LINC00632: variants seen among roughly 807,000 people sequenced by gnomAD.
The protein encoded by LINC00632 is ALDOA related specific transcript.
intron 2 of LINC00632, among the ~76,000 whole-genome samples, chrX:140,719,103 C>T (rs780728733): frequency 2.7e-5 from 3 of 112,200 alleles, no homozygotes; most frequent in African/African-American, 6.5e-5. Flanking sequence ...AATACTGGTC[C>T]AGCAAAATAC....
intron 3 of LINC00632, chrX:140,764,721 T>A (rs1931656880): frequency 8.9e-6 from 1 of 111,842 alleles, no homozygotes; most frequent in South Asian, 3.8e-4. Flanking sequence ...CTTCCCGTAT[T>A]CCGCTTTAAC....
intron 3 of LINC00632, among the ~76,000 whole-genome samples, chrX:140,769,073 C>G (rs915851427): frequency 9.1e-6 from 1 of 110,274 alleles, no homozygotes. Context: ...TTCCAGAGAA[C>G]CTTTCTTGGG....
chrX:140,784,348 C>T (rs142598055), exon 5 of LINC00632: 331 of 1,208,808 alleles, frequency 2.7e-4, no homozygotes, highest in Non-Finnish European at 3.2e-4. Flanking sequence ...AGAAAATCCA[C>T]GTCTTCCAAC....
At chrX:140,739,306 G>A in intron 3 of LINC00632, among the ~76,000 whole-genome samples, 1 of 110,198 alleles carries the variant, frequency 9.1e-6, no homozygotes, top group South Asian at 4.0e-4. Context: ...AGCAACTTCC[G>A]CCTCCCGGGT....
At chrX:140,782,906 T>C (rs1203415933) in exon 5 of LINC00632, 1 of 111,949 alleles carries the variant, frequency 8.9e-6, no homozygotes, top group African/African-American at 3.2e-5. Context: ...TGCTTACCAA[T>C]GTCTCCCAAT....
chrX:140,719,880 G>T (rs1206467234), intron 2 of LINC00632, among the ~76,000 whole-genome samples: 1 of 108,600 alleles, frequency 9.2e-6, no homozygotes, highest in Non-Finnish European at 1.9e-5. Context: ...ACAAGGTTAG[G>T]AGTTTGAGAC....
chrX:140,713,516 G>C (rs1930561409), intron 2 of LINC00632: 1 of 339,369 alleles, frequency 2.9e-6, no homozygotes, highest in African/African-American at 2.7e-5. Flanking sequence ...ATTATTTGTA[G>C]ATACTAAGGG....
At chrX:140,724,054 C>A (rs1419194105) in intron 2 of LINC00632, among the ~76,000 whole-genome samples, 1 of 34,017 alleles carries the variant, frequency 2.9e-5, no homozygotes, top group Non-Finnish European at 5.3e-5. Context: ...ATTCTGTATG[C>A]ACACACACAC....
At chrX:140,715,696 A>G (rs1930615083) in intron 2 of LINC00632, among the ~76,000 whole-genome samples, 1 of 112,344 alleles carries the variant, frequency 8.9e-6, no homozygotes, top group Non-Finnish European at 1.9e-5. Flanking sequence ...AATATATGAA[A>G]CTATTTGCTA....
At chrX:140,780,448 T>C (rs1175293635) in exon 5 of LINC00632, among the ~76,000 whole-genome samples, 2 of 112,160 alleles carry the variant, frequency 1.8e-5, no homozygotes, top group Non-Finnish European at 3.8e-5. Flanking sequence ...TTCTTTATGC[T>C]ATAATGTGGT....
chrX:140,772,520 A>G (rs1931816665), exon 4 of LINC00632: 2 of 291,334 alleles, frequency 6.9e-6, no homozygotes. Context: ...GAGGGATGAT[A>G]GAGATGCAAG....
At chrX:140,722,313 A>T (rs1425715635) in intron 2 of LINC00632, among the ~76,000 whole-genome samples, 3 of 109,446 alleles carry the variant, frequency 2.7e-5, no homozygotes, top group Non-Finnish European at 5.7e-5. Context: ...TGTCAAGAAG[A>T]AAAAGACTAG....
chrX:140,753,768 CTTTTTTT>C (rs752596283), intron 3 of LINC00632, among the ~76,000 whole-genome samples: 22 of 49,739 alleles, frequency 4.4e-4, no homozygotes, highest in Admixed American at 3.1e-3. Flanking sequence ...TTCTTTCTTT[CTTTTTTT>C]TTTTTTTTTT....
At chrX:140,723,651 CACACACATTCCATAT>C (rs1930801561) in intron 2 of LINC00632, among the ~76,000 whole-genome samples, 1 of 66,156 alleles carries the variant, frequency 1.5e-5, no homozygotes, top group African/African-American at 7.6e-5. Flanking sequence ...ATTCCATACA[CACACACATTCCATAT>C]ACACACATTC....
chrX:140,769,683 T>G (rs768771347), intron 3 of LINC00632, among the ~76,000 whole-genome samples: 1 of 111,305 alleles, frequency 9.0e-6, no homozygotes, highest in East Asian at 2.9e-4. Context: ...TCAACAAATC[T>G]TTTACAGTTT....
chrX:140,789,735 T>C (rs1412453261), exon 5 of LINC00632, among the ~76,000 whole-genome samples: 1 of 112,091 alleles, frequency 8.9e-6, no homozygotes, highest in African/African-American at 3.2e-5. Flanking sequence ...TTACTAGCTA[T>C]TTTTATTTCT....
intron 3 of LINC00632, among the ~76,000 whole-genome samples, chrX:140,770,234 A>G (rs914244800): frequency 1.8e-5 from 2 of 111,789 alleles, no homozygotes; most frequent in African/African-American, 6.5e-5. Context: ...AGGATGAGAT[A>G]GGAGGTCAGC....
intron 3 of LINC00632, among the ~76,000 whole-genome samples, chrX:140,735,659 C>T (rs138250282): frequency 0.044 from 4,869 of 110,749 alleles, 115 homozygotes; most frequent in East Asian, 0.15. Context: ...CTCTGCCTTC[C>T]GGGTTCAAGC....
intron 2 of LINC00632, among the ~76,000 whole-genome samples, chrX:140,732,661 A>C (rs1359781604): frequency 8.9e-6 from 1 of 111,942 alleles, no homozygotes; most frequent in Admixed American, 9.5e-5. Context: ...CACAAACAGA[A>C]ACAGATTTAC....
Sources: gnomAD v4.1 joint callset for allele counts (sites outside exome capture counted in the v4.1 genomes callset) on GRCh38, gnomAD v4.1.1 for gene constraint, MANE v1.5 for transcripts, NCBI Gene and HGNC (gene_info 2026-07-23, HGNC 2026-07-21) for gene names.